STXBP5: variants seen among roughly 807,000 people sequenced by gnomAD.
The protein encoded by STXBP5 is syntaxin binding protein 5.
STXBP5 carries 50 observed loss-of-function variants against 152.4 expected under a neutral mutation model. The ratio of observed to expected loss-of-function variants is 0.33; its 90% CI spans 0.26 to 0.42. The LOEUF (loss-of-function observed/expected upper bound fraction) is 0.42, where lower values mean the gene tolerates loss of function less well. Ranked by LOEUF, STXBP5 falls within the 10% of genes least tolerant of loss-of-function variation. The probability of loss-of-function intolerance (pLI) is 1.00; values close to 1 mark genes in which losing one functional copy is unlikely to be tolerated. For missense variants in STXBP5, 1,167 were observed against 1,388.6 expected, an observed-to-expected ratio of 0.84 and a Z score of 2.54; for synonymous variants, 492 against 494.7, an observed-to-expected ratio of 0.99 and a Z score of 0.07.
intron 23 of STXBP5, 75 bp from the exon 24 acceptor site, chr6:147,363,260 T>G: frequency 7.1e-7 from 1 of 1,412,856 alleles, no homozygotes; most frequent in Non-Finnish European, 9.5e-7. Flanking sequence ...ATCTACTGTA[T>G]GTCAAAGTTA....
At position 147,385,762 on chromosome 6, in the gene STXBP5, C is replaced by T. The variant is rs1180799725; in HGVS notation, c.*1007C>T. On this transcript the variant is annotated 3_prime_UTR_variant, in exon 28 of 28. Coordinates refer to ENST00000321680, the MANE Select transcript of STXBP5 (RefSeq NM_001127715.4). ...AAACTTTCATTATTTCAGTAAAATG[C>T]TCAGCTCCCTTTTCAAAATGCCCTT... The T allele has an allele frequency of 2.6e-5, 4 of 152,132 alleles. No homozygotes were observed. The highest frequency in any genetic ancestry group is 4.1e-4 in the South Asian group (2 of 4,832). 9.4% of individuals were successfully genotyped at this position (152,132 alleles called of 1,614,324 possible).
chr6:147,336,899 G>A (rs544439169), intron 19 of STXBP5, among the ~76,000 whole-genome samples: 1 of 152,120 alleles, frequency 6.6e-6, no homozygotes, highest in South Asian at 2.1e-4. Context: ...ATCAAGATTT[G>A]TGATCTCAAC....
Position 147,277,938 on chromosome 6 carries a change from A to G in STXBP5, c.715-143A>G. ...ATCTCATTTGTATTACAAGAGGGCCAAATTATTATGGAAATGTTAAGTTCA... is the reference window on the plus strand; with the variant it reads ...ATCTCATTTGTATTACAAGAGGGCCGAATTATTATGGAAATGTTAAGTTCA... On this transcript the variant is annotated intron_variant, in intron 7 of 27. Transcript: ENST00000321680. 5.7e-6 allele frequency: 4 copies of G among 700,850 alleles called. No homozygotes were observed. The South Asian group carries it at 9.4e-5, about 17-fold the overall frequency. 43.4% of individuals were successfully genotyped at this position (700,850 alleles called of 1,614,324 possible). A position where few individuals can be genotyped will look rare whatever the true frequency, so the allele number is the denominator to read the frequency against.
At chr6:147,294,450 C>G (rs1007881910) in intron 9 of STXBP5, among the ~76,000 whole-genome samples, 1 of 152,032 alleles carries the variant, frequency 6.6e-6, no homozygotes, top group African/African-American at 2.4e-5. Context: ...GTGTCACATA[C>G]ACCACTGGTA....
chr6:147,365,683 A>T (rs1440469445), intron 25 of STXBP5, among the ~76,000 whole-genome samples: 1 of 152,230 alleles, frequency 6.6e-6, no homozygotes, highest in Non-Finnish European at 1.5e-5. Flanking sequence ...TCTTTGGGCA[A>T]TATTGACATG....
At chr6:147,280,359 A>C (rs1447859455) in intron 8 of STXBP5, among the ~76,000 whole-genome samples, 2 of 152,048 alleles carry the variant, frequency 1.3e-5, no homozygotes, top group Non-Finnish European at 2.9e-5. Context: ...TCTCAAGTGG[A>C]ACTCGTTTTT....
At chr6:147,214,169 G>A (rs1221638) in intron 2 of STXBP5, among the ~76,000 whole-genome samples, 78,130 of 151,856 alleles carry the variant, frequency 0.51, 20,521 homozygotes, top group East Asian at 0.71. Context: ...TAATTTGAAC[G>A]CATTTCTGAT....
chr6:147,311,249 C>A (rs562371488), intron 10 of STXBP5, among the ~76,000 whole-genome samples: 1 of 152,136 alleles, frequency 6.6e-6, no homozygotes, highest in Non-Finnish European at 1.5e-5. Context: ...CTCATTTTTA[C>A]AAAAGTAAAA....
intron 2 of STXBP5, among the ~76,000 whole-genome samples, chr6:147,213,151 A>C (rs1196369047): frequency 6.6e-6 from 1 of 152,182 alleles, no homozygotes; most frequent in East Asian, 1.9e-4. Context: ...GGGCATGTAC[A>C]TGTAAGTAAC....
intron 23 of STXBP5, among the ~76,000 whole-genome samples, chr6:147,360,604 C>T (rs1051144650): frequency 2.6e-5 from 4 of 151,990 alleles, no homozygotes; most frequent in Admixed American, 6.6e-5. Context: ...AGGAGAAAAA[C>T]AGAAAAGTGC....
intron 25 of STXBP5, among the ~76,000 whole-genome samples, chr6:147,370,369 C>T (rs1332278788): frequency 6.6e-6 from 1 of 151,992 alleles, no homozygotes; most frequent in Non-Finnish European, 1.5e-5. Context: ...CCAAATTGTA[C>T]ACCTCAAATA....
intron 26 of STXBP5, among the ~76,000 whole-genome samples, chr6:147,375,522 A>G (rs927444691): frequency 1.2e-4 from 19 of 152,082 alleles, no homozygotes; most frequent in Middle Eastern, 3.4e-3. Flanking sequence ...TAAAACATGT[A>G]GGAGAGGATT....
At chr6:147,267,484 A>G (rs1467763799) in intron 7 of STXBP5, among the ~76,000 whole-genome samples, 20 of 152,112 alleles carry the variant, frequency 1.3e-4, no homozygotes, top group Admixed American at 1.3e-3. Context: ...ATGATAGTAT[A>G]CTATAGACAT....
At chr6:147,332,222 T>C (rs573832885) in intron 18 of STXBP5, among the ~76,000 whole-genome samples, 3 of 152,214 alleles carry the variant, frequency 2.0e-5, no homozygotes, top group Non-Finnish European at 4.4e-5. Context: ...GAGGCTTCCA[T>C]GTGCTATGCA....
At chr6:147,379,356 A>T (rs554137069) in intron 26 of STXBP5, among the ~76,000 whole-genome samples, 141 of 152,300 alleles carry the variant, frequency 9.3e-4, no homozygotes, top group Admixed American at 1.3e-3. Context: ...TTAAGAGAAC[A>T]TGTTCAGAAT....
chr6:147,326,073 A>G (rs1281005140), intron 17 of STXBP5, among the ~76,000 whole-genome samples: 1 of 152,174 alleles, frequency 6.6e-6, no homozygotes, highest in Non-Finnish European at 1.5e-5. Context: ...AGATTTTAGT[A>G]TCTGTGGGGG....
chr6:147,290,392 T>C (rs1284673516), intron 8 of STXBP5, among the ~76,000 whole-genome samples: 1 of 152,142 alleles, frequency 6.6e-6, no homozygotes, highest in Non-Finnish European at 1.5e-5. Context: ...CCTCAGACCA[T>C]TCCCAAGTTA....
chr6:147,324,375 C>T (rs1404997196), intron 16 of STXBP5, among the ~76,000 whole-genome samples: 3 of 144,240 alleles, frequency 2.1e-5, no homozygotes, highest in African/African-American at 2.6e-5. Flanking sequence ...CGGGTTCAAG[C>T]GATTCTCCTG....
chr6:147,223,895 A>G (rs1746562909), intron 2 of STXBP5, among the ~76,000 whole-genome samples: 1 of 152,202 alleles, frequency 6.6e-6, no homozygotes, highest in Non-Finnish European at 1.5e-5. Flanking sequence ...GTTTTAAAGC[A>G]GTCATAACAT....
Sources: gnomAD v4.1 joint callset for allele counts (sites outside exome capture counted in the v4.1 genomes callset) on GRCh38, gnomAD v4.1.1 for gene constraint, MANE v1.5 for transcripts, NCBI Gene and HGNC (gene_info 2026-07-23, HGNC 2026-07-21) for gene names.